LHFPL2: variants seen among roughly 807,000 people sequenced by gnomAD.
LHFPL2 encodes the protein LHFPL tetraspan subfamily member 2, also known as LHFPL tetraspan subfamily member 2 protein.
In LHFPL2, 7 loss-of-function variants were observed where a neutral mutation model predicts 17.5. The ratio of observed to expected loss-of-function variants is 0.40; its 90% CI spans 0.23 to 0.75. LHFPL2 has a LOEUF of 0.75. LHFPL2 is among the 30% of genes least tolerant of loss of function. The pLI, the probability that LHFPL2 is intolerant of heterozygous loss-of-function variation, is 0.37. For missense variants in LHFPL2, 241 were observed against 294.8 expected, an observed-to-expected ratio of 0.82 and a Z score of 1.34; for synonymous variants, 134 against 116.2, an observed-to-expected ratio of 1.15 and a Z score of -0.99.
At chr5:78,496,924 T>C (rs539705821) in intron 4 of LHFPL2, among the ~76,000 whole-genome samples, 60 of 152,304 alleles carry the variant, frequency 3.9e-4, no homozygotes, top group African/African-American at 1.4e-3. Flanking sequence ...GCTGGCCCCA[T>C]GGCTTTAAGT....
intron 3 of LHFPL2, among the ~76,000 whole-genome samples, chr5:78,563,624 C>T (rs1756787341): frequency 2.0e-5 from 3 of 151,626 alleles, no homozygotes; most frequent in African/African-American, 7.3e-5. Context: ...TCGCTTGAAC[C>T]CAGGAGGTGG....
chr5:78,512,027 T>G (rs1010964584), intron 3 of LHFPL2, among the ~76,000 whole-genome samples: 7 of 152,078 alleles, frequency 4.6e-5, no homozygotes, highest in Admixed American at 3.3e-4. Flanking sequence ...ACCAGATTGT[T>G]GCAAGGAATG....
chr5:78,567,854 G>A (rs920663134), intron 2 of LHFPL2, among the ~76,000 whole-genome samples: 1 of 152,170 alleles, frequency 6.6e-6, no homozygotes, highest in Non-Finnish European at 1.5e-5. Flanking sequence ...AGGAATAAGG[G>A]CTGGCTTCCT....
intron 2 of LHFPL2, among the ~76,000 whole-genome samples, chr5:78,590,727 C>A (rs550222530): frequency 6.6e-6 from 1 of 152,172 alleles, no homozygotes; most frequent in Non-Finnish European, 1.5e-5. Context: ...CATACGAAAC[C>A]TAGAAATAGT....
At chr5:78,540,610 A>T (rs1756082624) in intron 3 of LHFPL2, among the ~76,000 whole-genome samples, 2 of 152,166 alleles carry the variant, frequency 1.3e-5, no homozygotes, top group Non-Finnish European at 2.9e-5. Flanking sequence ...GGCCGGAGAG[A>T]TGCGTGGGAG....
At chr5:78,591,543 G>A (rs1403725313) in intron 2 of LHFPL2, among the ~76,000 whole-genome samples, 2 of 152,240 alleles carry the variant, frequency 1.3e-5, no homozygotes, top group East Asian at 3.8e-4. Flanking sequence ...GGTAGGAAGA[G>A]AGGATGACAA....
intron 2 of LHFPL2, among the ~76,000 whole-genome samples, chr5:78,613,308 G>C (rs932888507): frequency 1.3e-5 from 2 of 152,098 alleles, no homozygotes; most frequent in African/African-American, 4.8e-5. Flanking sequence ...CATAAATCCA[G>C]ACTTATCCCA....
chr5:78,516,310 C>T (rs761512146), intron 3 of LHFPL2, among the ~76,000 whole-genome samples: 4 of 152,286 alleles, frequency 2.6e-5, no homozygotes, highest in East Asian at 1.9e-4. Context: ...AACTTCTGAT[C>T]GACTCCTCTT....
intron 1 of LHFPL2, chr5:78,641,910 C>CACACACACACACAG (rs1432780425): frequency 8.6e-6 from 1 of 115,638 alleles, no homozygotes; most frequent in East Asian, 2.2e-4. Context: ...ACAGTATACA[C>CACACACACACACAG]ACACACACAC....
At chr5:78,512,073 G>A (rs1755146319) in intron 3 of LHFPL2, among the ~76,000 whole-genome samples, 1 of 152,090 alleles carries the variant, frequency 6.6e-6, no homozygotes, top group Non-Finnish European at 1.5e-5. Context: ...CACAGTGCCT[G>A]GCAGAGTAAG....
intron 3 of LHFPL2, among the ~76,000 whole-genome samples, chr5:78,548,434 C>T (rs1214901384): frequency 6.6e-6 from 1 of 152,198 alleles, no homozygotes; most frequent in African/African-American, 2.4e-5. Flanking sequence ...TGAAAACAGG[C>T]CCCCTGTGAC....
chr5:78,529,135 A>T (rs1212089191), intron 3 of LHFPL2, among the ~76,000 whole-genome samples: 1 of 151,936 alleles, frequency 6.6e-6, no homozygotes, highest in African/African-American at 2.4e-5. Flanking sequence ...AGAAAAATTT[A>T]ATTAGCCAGA....
intron 3 of LHFPL2, among the ~76,000 whole-genome samples, chr5:78,542,860 C>T (rs541188969): frequency 6.6e-6 from 1 of 152,322 alleles, no homozygotes; most frequent in Non-Finnish European, 1.5e-5. Flanking sequence ...TCAGTGAATG[C>T]TCCTTAAGTG....
chr5:78,646,090 C>T (rs993366677), intron 1 of LHFPL2, among the ~76,000 whole-genome samples: 18 of 152,306 alleles, frequency 1.2e-4, no homozygotes, highest in African/African-American at 3.8e-4. Flanking sequence ...CCTGAAGCTG[C>T]CATTGCAACA....
At position 78,547,962 on chromosome 5, in the gene LHFPL2, A is replaced by C. The variant is rs533889574; in HGVS notation, c.-186+16851T>G. On this transcript the variant is annotated intron_variant, in intron 3 of 4. Transcript: ENST00000380345. The stretch of plus-strand genomic sequence containing the variant: ...TCAGGAAAGGCCGCTACATCTCCCC[A>C]GGGAATGGCTGGAAGACTCCCAGCC... 1.4e-3 allele frequency among the ~76,000 whole-genome samples: 214 copies of C among 152,388 alleles called. 1 individual carries two copies. The highest frequency in any genetic ancestry group is 3.9e-3 in the Admixed American group (59 of 15,312).
intron 2 of LHFPL2, among the ~76,000 whole-genome samples, chr5:78,581,344 G>A (rs992689439): frequency 5.3e-5 from 8 of 152,182 alleles, no homozygotes; most frequent in African/African-American, 1.9e-4. Flanking sequence ...TAGGAGTGGT[G>A]AGAGAGGGCA....
intron 3 of LHFPL2, among the ~76,000 whole-genome samples, chr5:78,514,613 C>T (rs1218249795): frequency 1.3e-5 from 2 of 152,158 alleles, no homozygotes; most frequent in Admixed American, 6.5e-5. Context: ...GAAGCCAGAA[C>T]CACCCAGTGC....
chr5:78,615,775 A>G (rs1413456555), intron 2 of LHFPL2, among the ~76,000 whole-genome samples: 2 of 152,220 alleles, frequency 1.3e-5, no homozygotes, highest in Non-Finnish European at 2.9e-5. Flanking sequence ...CTCCATAAGT[A>G]TAAATGACTA....
intron 2 of LHFPL2, among the ~76,000 whole-genome samples, chr5:78,609,689 T>C (rs1744352498): frequency 1.3e-5 from 2 of 152,068 alleles, no homozygotes. Flanking sequence ...GCAACAACAA[T>C]TTCTAGAAAA....
Sources: gnomAD v4.1 joint callset for allele counts (sites outside exome capture counted in the v4.1 genomes callset) on GRCh38, gnomAD v4.1.1 for gene constraint, MANE v1.5 for transcripts, NCBI Gene and HGNC (gene_info 2026-07-23, HGNC 2026-07-21) for gene names.